The following DIABLO variants were observed in gnomAD, a reference collection of about 807,000 sequenced individuals.
DIABLO encodes diablo IAP-binding mitochondrial protein.
In DIABLO, 32 loss-of-function variants were observed where a neutral mutation model predicts 31.7. The observed-to-expected ratio is 1.01, with a 90% CI of 0.76 to 1.35. The LOEUF (loss-of-function observed/expected upper bound fraction) is 1.35. Among genes scored for constraint, DIABLO ranks in the 40% most tolerant of loss-of-function variants. DIABLO has a pLI of 0.00. For synonymous variants in DIABLO, 132 were observed against 103.2 expected (o/e 1.28, Z -1.69); for missense variants, 316 against 286.4 (o/e 1.10, Z -0.75).
chr12:122,225,297 G>A, intron 1 of DIABLO: 2 of 634,398 alleles, frequency 3.2e-6, no homozygotes, highest in South Asian at 6.0e-5. Flanking sequence ...CTGAGGCTGA[G>A]AATCGCTTGA....
At chr12:122,221,382 T>G (rs910523867) in intron 2 of DIABLO, 13 of 151,988 alleles carry the variant, frequency 8.6e-5, no homozygotes, top group African/African-American at 2.9e-4. Context: ...CAGGGAGACT[T>G]AGTTTAATTT....
rs1322302556 is a variant in DIABLO at position 122,216,431 on chromosome 12, T to C, written c.523+57A>G. On this transcript the variant is annotated intron_variant, in intron 5 of 5. Transcript: ENST00000464942. ...TTAGAAAACCAGATGAAAACTCAAA[T>C]GGTACCTTCCTAGTTAAAAAATTAA... 65 of 1,437,300 alleles carry C rather than the reference T, an allele frequency of 4.5e-5. No individual in the cohort carries two copies. In the East Asian group the frequency reaches 1.4e-3, roughly 31 times the overall value. The allele number at this position is 1,437,300 out of a possible 1,614,324, so 89.0% of individuals were successfully genotyped here.
intron 5 of DIABLO, chr12:122,208,823 G>T (rs1451254737): frequency 4.9e-6 from 3 of 607,574 alleles, no homozygotes; most frequent in Non-Finnish European, 6.2e-6. Context: ...ATTATTAAAT[G>T]CAACTCTCAC....
chr12:122,224,780 T>C lies in DIABLO; in HGVS notation c.51-136A>G, dbSNP rs1266618347. 5.7e-6 allele frequency: 9 copies of C among 1,577,008 alleles called. No homozygotes were observed. The South Asian group carries it at 8.0e-5, about 14-fold the overall frequency. ...GAGGATGCAGGACAGCTGAGGGGTT[T>C]TGAAATTTTCAACATACACCAAGTT... On this transcript the variant is annotated intron_variant, in intron 1 of 5. Transcript: ENST00000464942.
intron 5 of DIABLO, among the ~76,000 whole-genome samples, chr12:122,213,927 A>G (rs1954144736): frequency 6.6e-6 from 1 of 152,226 alleles, no homozygotes; most frequent in South Asian, 2.1e-4. Context: ...TCTACTAAAA[A>G]TAAAAAAATT....
chr12:122,216,708 C>T (rs1385180187), intron 4 of DIABLO, 51 bp downstream of exon 4: 1 of 1,566,250 alleles, frequency 6.4e-7, no homozygotes, highest in Non-Finnish European at 8.8e-7. Context: ...AATTTAGATA[C>T]CACATGAGGT....
chr12:122,226,399 G>A, upstream of DIABLO: 1 of 666,230 alleles, frequency 1.5e-6, no homozygotes, highest in Non-Finnish European at 2.7e-6. Context: ...GGGCCGGGCG[G>A]GAGGCGGGGC....
At chr12:122,224,973 A>C in intron 1 of DIABLO, 4 of 541,868 alleles carry the variant, frequency 7.4e-6, no homozygotes, top group Non-Finnish European at 1.2e-5. Context: ...TAAGTAAATA[A>C]AGGCCGAGGC....
intron 2 of DIABLO, among the ~76,000 whole-genome samples, chr12:122,218,933 TA>T (rs1193774146): frequency 0.12 from 11,041 of 91,376 alleles, 652 homozygotes; most frequent in African/African-American, 0.23. Context: ...AGAGCAAGAC[TA>T]AAAAAAAAAA....
intron 2 of DIABLO, chr12:122,221,949 A>C (rs1954342856): frequency 1.3e-5 from 2 of 152,238 alleles, no homozygotes; most frequent in Non-Finnish European, 2.9e-5. Context: ...ATGACAACTG[A>C]AGTGAGGCAC....
chr12:122,213,212 T>C (rs1317736343), intron 5 of DIABLO, among the ~76,000 whole-genome samples: 1 of 151,662 alleles, frequency 6.6e-6, no homozygotes, highest in Non-Finnish European at 1.5e-5. Context: ...CCACTGCACC[T>C]GGACCAGATT....
Position 122,216,338 on chromosome 12 carries a change from T to C in DIABLO, c.523+150A>G, listed in dbSNP as rs76932423. 0.012 allele frequency: 8,306 copies of C among 676,302 alleles called. 370 individuals carry two copies. The highest frequency in any genetic ancestry group is 0.11 in the African/African-American group (6,148 of 54,886). The allele number at this position is 676,302 out of a possible 1,614,324, so 41.9% of individuals were successfully genotyped here. On this transcript the variant is annotated intron_variant, in intron 5 of 5. Transcript: ENST00000464942. Reference sequence around the variant, plus strand: ...ATTGTGCAAATAAAATGTAGGTTAATATGTAGGAAATGGGGAAAATTTCTC... The same window carrying C: ...ATTGTGCAAATAAAATGTAGGTTAACATGTAGGAAATGGGGAAAATTTCTC...
At chr12:122,211,837 T>C (rs1954095464) in intron 5 of DIABLO, among the ~76,000 whole-genome samples, 1 of 152,220 alleles carries the variant, frequency 6.6e-6, no homozygotes, top group Non-Finnish European at 1.5e-5. Context: ...ATTTCATGAT[T>C]GATAATGTCT....
chr12:122,212,146 T>C (rs1402663120), intron 5 of DIABLO, among the ~76,000 whole-genome samples: 8 of 152,196 alleles, frequency 5.3e-5, no homozygotes, highest in Non-Finnish European at 1.2e-4. Flanking sequence ...CAATTTTGTA[T>C]TTTCTAATTG....
Position 122,223,850 on chromosome 12 carries a change from G to T in DIABLO, c.183+662C>A, listed in dbSNP as rs769063608. ...AGGTCTTGCCCTGTCACCCAGGCTG[G>T]AGAGCAGTGGTGAGATCATAGCTCA... On this transcript the variant is annotated intron_variant, in intron 2 of 5. Transcript: ENST00000464942. Among the ~76,000 whole-genome samples, 126 of 152,192 alleles carry T rather than the reference G, an allele frequency of 8.3e-4. 1 individual carries two copies. Among genetic ancestry groups the T allele is most frequent in the Non-Finnish European group, 2.9e-4 (20 of 68,040 alleles).
intron 5 of DIABLO, among the ~76,000 whole-genome samples, chr12:122,210,227 C>T (rs977749989): frequency 6.6e-6 from 1 of 152,014 alleles, no homozygotes; most frequent in Admixed American, 6.6e-5. Context: ...TAAGAGGAGG[C>T]TTGTCATTAC....
rs1470436827 is a variant in DIABLO, at chr12:122,216,772, C to G, written c.413G>C (p.Gly138Ala). ...EEDEVWQVII[G>A]ARAEMTSKHQ... The stretch of plus-strand genomic sequence containing the variant: ...CTTTCTGCTTACCTCAGCTCTGGCT[C>G]CTATGATCACCTGCCACACTTCATC... The change falls in exon 4 of 6, where the codon GGA becomes GCA. Residue 138 changes from glycine (G) to alanine (A), a missense_variant. Physicochemically the swap from Gly to Ala is moderately conservative, Grantham distance 60. Transcript: ENST00000464942. The G allele has an allele frequency of 6.2e-7, 1 of 1,613,736 alleles. No individual in the cohort carries two copies. Among genetic ancestry groups the G allele is most frequent in the Non-Finnish European group, 8.5e-7 (1 of 1,179,732 alleles).
rs189391249 is a variant in DIABLO at position 122,218,397 on chromosome 12, T to C, written c.184A>G (p.Lys62Glu). Residue 62 changes from lysine to glutamate, a missense_variant and splice_region_variant, in exon 3 of 6, where the codon AAA (lysine) becomes GAA (glutamate). Lys to Glu is a moderately conservative substitution (Grantham distance 56). Coordinates refer to ENST00000464942, the MANE Select transcript of DIABLO (RefSeq NM_001371333.1). ...CTACTAAGGGAATGAGGCTCTGATT[T>C]CTGAAAGACACAAACATTGTCACTC... ...VTLCAVPIAQ[K>E]SEPHSLSSEA... The C allele has an allele frequency of 3.7e-5, 59 of 1,614,134 alleles. No individual in the cohort carries two copies. Among genetic ancestry groups the C allele is most frequent in the Admixed American group, 1.7e-4 (10 of 60,024 alleles).
intron 2 of DIABLO, chr12:122,221,937 A>G (rs1171132723): frequency 2.0e-5 from 3 of 152,232 alleles, no homozygotes; most frequent in African/African-American, 7.2e-5. Context: ...CAGCATGCAG[A>G]GATGACAACT....
Sources: allele counts gnomAD v4.1 joint callset (sites outside exome capture counted in the v4.1 genomes callset), GRCh38; gene constraint gnomAD v4.1.1; transcripts MANE v1.5; gene names NCBI Gene and HGNC (gene_info 2026-07-23, HGNC 2026-07-21).